The following CHTF8 variants were observed in gnomAD, a reference collection of about 807,000 sequenced individuals.
CHTF8 encodes the protein chromosome transmission fidelity protein 8 homolog.
CHTF8 carries 6 observed loss-of-function variants against 11.0 expected under a neutral mutation model. That is an observed-to-expected ratio of 0.55 (90% CI 0.30 to 1.08). The LOEUF (loss-of-function observed/expected upper bound fraction) is 1.08, where lower values mean the gene tolerates loss of function less well. CHTF8 is among the 50% of genes least tolerant of loss of function. The probability of loss-of-function intolerance (pLI) is 0.07; values close to 1 mark genes in which losing one functional copy is unlikely to be tolerated. For synonymous variants in CHTF8, 53 were observed against 60.5 expected (o/e 0.88, Z 0.57); for missense variants, 140 against 153.1 (o/e 0.91, Z 0.45).
In CHTF8 at chr16:69,118,280, A is replaced by G; in HGVS notation, c.*2145T>C. On this transcript the variant is annotated 3_prime_UTR_variant, in exon 4 of 4. Coordinates refer to ENST00000448552, the MANE Select transcript of CHTF8 (RefSeq NM_001039690.5). ...CCCAGGAGAAGGGAGCTGCAGGCCC[A>G]GTCAGTCAAGCAGAAACTGCATTCG... 1.1e-6 allele frequency: 1 copy of G among 928,522 alleles called. No individual in the cohort carries two copies. Among genetic ancestry groups the G allele is most frequent in the Non-Finnish European group, 1.8e-6 (1 of 562,060 alleles). The allele number at this position is 928,522 out of a possible 1,614,324, so 57.5% of individuals were successfully genotyped here.
At chr16:69,130,088 GTTAAATA>G (rs1962385423) in intron 1 of CHTF8, among the ~76,000 whole-genome samples, 1 of 152,168 alleles carries the variant, frequency 6.6e-6, no homozygotes, top group Non-Finnish European at 1.5e-5. Context: ...TCTCTGAATT[GTTAAATA>G]TTAAATTGTT....
At chr16:69,130,904 G>A (rs902122625) in intron 1 of CHTF8, among the ~76,000 whole-genome samples, 1 of 152,128 alleles carries the variant, frequency 6.6e-6, no homozygotes, top group Admixed American at 6.5e-5. Context: ...ACTGCTTCAG[G>A]GATTAAGTTC....
In CHTF8 at chr16:69,120,512, C is replaced by G; in HGVS notation, c.279G>C (p.Arg93=). 3.1e-6 allele frequency: 5 copies of G among 1,614,094 alleles called. No individual in the cohort carries two copies. The highest frequency in any genetic ancestry group is 4.2e-6 in the Non-Finnish European group (5 of 1,180,018). The change falls in exon 4 of 4, where the codon CGG becomes CGC. Residue 93 remains arginine, a synonymous_variant. Transcript: ENST00000448552. This position sits in a 1 kb window ranked among gnomAD's most constrained non-coding sequence, Gnocchi z 4.0. ...CDELGRETGT[R]YLVTALIKDK... The stretch of plus-strand genomic sequence containing the variant: ...CTTTGATGAGTGCTGTCACCAGGTA[C>G]CGGGTGCCAGTCTCGCGGCCAAGCT...
In CHTF8 at chr16:69,119,978, G is replaced by C. The variant is rs1236304311; in HGVS notation, c.*447C>G. 1 of 698,294 alleles carries C rather than the reference G, an allele frequency of 1.4e-6. No individual in the cohort carries two copies. Among genetic ancestry groups the C allele is most frequent in the East Asian group, 2.7e-5 (1 of 37,090 alleles). The allele number at this position is 698,294 out of a possible 1,614,324, so 43.3% of individuals were successfully genotyped here. ...GGGTTGGACATAGGACCTGGTCCTG[G>C]GAGACCCCCTAACCTGGGGTTAGAC... On this transcript the variant is annotated 3_prime_UTR_variant, in exon 4 of 4. Coordinates refer to ENST00000448552, the MANE Select transcript of CHTF8 (RefSeq NM_001039690.5).
At position 69,119,347 on chromosome 16, in the gene CHTF8, G is replaced by A; in HGVS notation, c.*1078C>T. The A allele has an allele frequency of 1.4e-6, 1 of 703,086 alleles. No individual in the cohort carries two copies. The highest frequency in any genetic ancestry group is 2.6e-6 in the Non-Finnish European group (1 of 385,018). 43.6% of individuals were successfully genotyped at this position (703,086 alleles called of 1,614,324 possible). A position where few individuals can be genotyped will look rare whatever the true frequency, so the allele number is the denominator to read the frequency against. On this transcript the variant is annotated 3_prime_UTR_variant, in exon 4 of 4. Coordinates refer to ENST00000448552, the MANE Select transcript of CHTF8 (RefSeq NM_001039690.5). ...AGATGAACCTGCTCCCCTGGGAAAG[G>A]GATTGGCATTTACCCCCATGGGGCC...
At chr16:69,129,007 T>C (rs1348511168) in intron 1 of CHTF8, among the ~76,000 whole-genome samples, 1 of 151,520 alleles carries the variant, frequency 6.6e-6, no homozygotes, top group Non-Finnish European at 1.5e-5. Context: ...GTAGTTACAG[T>C]GAGCCGAGAC....
rs1385033876 is a variant in CHTF8 at position 69,119,819 on chromosome 16, C to T, written c.*606G>A. The T allele has an allele frequency of 5.1e-5, 36 of 701,094 alleles. No individual in the cohort carries two copies. The highest frequency in any genetic ancestry group is 8.3e-5 in the Non-Finnish European group (32 of 384,972). 43.4% of individuals were successfully genotyped at this position (701,094 alleles called of 1,614,324 possible). A position where few individuals can be genotyped will look rare whatever the true frequency, so the allele number is the denominator to read the frequency against. ...TTGGGGTTTGGTCCTGGGCCCAGGC[C>T]AACTGGCCTAGGATTGGGAGGACCA... On this transcript the variant is annotated 3_prime_UTR_variant, in exon 4 of 4. Transcript: ENST00000448552.
intron 1 of CHTF8, among the ~76,000 whole-genome samples, chr16:69,122,860 G>C (rs1961781060): frequency 6.6e-6 from 1 of 151,764 alleles, no homozygotes; most frequent in Non-Finnish European, 1.5e-5. Flanking sequence ...GTTATTTTTA[G>C]TAGAGATGGG....
intron 1 of CHTF8, among the ~76,000 whole-genome samples, chr16:69,126,976 G>C (rs924071069): frequency 6.6e-6 from 1 of 152,120 alleles, no homozygotes; most frequent in African/African-American, 2.4e-5. Flanking sequence ...GCCGGGCGCG[G>C]TGGCTCATGC....
At chr16:69,125,030 G>T (rs1356018307) in intron 1 of CHTF8, among the ~76,000 whole-genome samples, 1 of 152,104 alleles carries the variant, frequency 6.6e-6, no homozygotes, top group Non-Finnish European at 1.5e-5. Flanking sequence ...TCAGCCTCCC[G>T]AGTAGCTAGG....
At chr16:69,127,876 T>C (rs1415798842) in intron 1 of CHTF8, among the ~76,000 whole-genome samples, 1 of 151,650 alleles carries the variant, frequency 6.6e-6, no homozygotes, top group South Asian at 2.1e-4. Flanking sequence ...TTCCAAAGTG[T>C]TGGGATTACA....
intron 1 of CHTF8, among the ~76,000 whole-genome samples, chr16:69,122,560 G>GTTTTA (rs1961758644): frequency 1.4e-5 from 2 of 144,126 alleles, no homozygotes; most frequent in Non-Finnish European, 3.0e-5. Context: ...TTTTTTTTTG[G>GTTTTA]GAGGGAGTCT....
chr16:69,120,888 T>C lies in CHTF8; in HGVS notation c.141+165A>G, dbSNP rs1261972082. On this transcript the variant is annotated intron_variant, in intron 3 of 3. Transcript: ENST00000448552. The surrounding 1 kb of genome is among the most constrained non-coding windows in gnomAD (Gnocchi z 4.0). The stretch of plus-strand genomic sequence containing the variant: ...TTTCCAGATTCCCCAAAATTAAATT[T>C]CCCTGCTACTGCAGAGGTAGGGGGA... The C allele has an allele frequency of 1.3e-6, 1 of 771,440 alleles. No homozygotes were observed. Among genetic ancestry groups the C allele is most frequent in the African/African-American group, 1.7e-5 (1 of 58,458 alleles). 47.8% of individuals were successfully genotyped at this position (771,440 alleles called of 1,614,324 possible).
chr16:69,131,145 C>T (rs1047488454), intron 1 of CHTF8: 2 of 152,166 alleles, frequency 1.3e-5, no homozygotes, highest in African/African-American at 4.8e-5. Flanking sequence ...TCTTGCTCCC[C>T]TCCAAAAAGG....
intron 1 of CHTF8, among the ~76,000 whole-genome samples, chr16:69,129,539 T>C (rs890094735): frequency 5.9e-5 from 9 of 152,050 alleles, no homozygotes; most frequent in Admixed American, 1.3e-4. Flanking sequence ...CTTATCTGTA[T>C]CCTCTTATTT....
At chr16:69,131,100 G>A (rs538114914) in intron 1 of CHTF8, among the ~76,000 whole-genome samples, 1 of 152,282 alleles carries the variant, frequency 6.6e-6, no homozygotes, top group East Asian at 1.9e-4. Context: ...AAAGGCTTAT[G>A]TTACTAAGTC....
chr16:69,131,772 C>T (rs1266756107), intron 1 of CHTF8, among the ~76,000 whole-genome samples: 1 of 151,776 alleles, frequency 6.6e-6, no homozygotes, highest in African/African-American at 2.4e-5. Flanking sequence ...TCTCTACCAC[C>T]CTCGTTCTCC....
rs769730716 is a variant in CHTF8 at position 69,121,427 on chromosome 16, T to G, written c.23+9A>C. On this transcript the variant is annotated intron_variant, in intron 2 of 3. Coordinates refer to ENST00000448552, the MANE Select transcript of CHTF8 (RefSeq NM_001039690.5). ...CAAGCCAAATTTTAAAATCTCAAAA[T>G]GTACTTACCTGGAAATAACAATTTG... The G allele has an allele frequency of 6.2e-7, 1 of 1,604,778 alleles. No homozygotes were observed. The highest frequency in any genetic ancestry group is 1.1e-5 in the South Asian group (1 of 89,128).
Position 69,120,367 on chromosome 16 carries a change from G to A in CHTF8, c.*58C>T, listed in dbSNP as rs367796436. On this transcript the variant is annotated 3_prime_UTR_variant, in exon 4 of 4. Transcript: ENST00000448552. The surrounding 1 kb of genome is among the most constrained non-coding windows in gnomAD (Gnocchi z 4.0). ...GGAACCGTCGAGCCGTCCTCGAGGT[G>A]GCAGCGGAGCACGAGTCCAAGGAGT... 4 of 1,546,514 alleles carry A rather than the reference G, an allele frequency of 2.6e-6. No individual in the cohort carries two copies. The highest frequency in any genetic ancestry group is 1.7e-5 in the Admixed American group (1 of 59,788).
Sources: gnomAD v4.1 joint callset for allele counts (sites outside exome capture counted in the v4.1 genomes callset) on GRCh38, gnomAD v4.1.1 for gene constraint, Gnocchi (gnomAD v3.1) non-coding constraint, MANE v1.5 for transcripts, NCBI Gene and HGNC (gene_info 2026-07-23, HGNC 2026-07-21) for gene names.